Variants in RSPO2 observed in about 807,000 individuals in gnomAD.
RSPO2 encodes R-spondin-2.
In RSPO2, 14 loss-of-function variants were observed where a neutral mutation model predicts 30.9. The ratio of observed to expected loss-of-function variants is 0.45; its 90% CI spans 0.30 to 0.71. The LOEUF is 0.71. RSPO2 is among the 30% of genes least tolerant of loss of function. The probability of loss-of-function intolerance (pLI) is 0.08; values close to 1 mark genes in which losing one functional copy is unlikely to be tolerated. For missense variants in RSPO2, 264 were observed against 301.9 expected (o/e 0.87, Z 0.93); for synonymous variants, 107 against 96.4 (o/e 1.11, Z -0.64).
At chr8:107,991,290 A>ACACG (rs1414734627) in intron 2 of RSPO2, among the ~76,000 whole-genome samples, 3 of 149,244 alleles carry the variant, frequency 2.0e-5, no homozygotes, top group Non-Finnish European at 3.0e-5. Flanking sequence ...ACACACACAC[A>ACACG]CGCAATGGGG....
intron 2 of RSPO2, among the ~76,000 whole-genome samples, chr8:108,016,978 A>T (rs1354607868): frequency 2.6e-5 from 4 of 152,014 alleles, no homozygotes; most frequent in African/African-American, 4.8e-5. Context: ...TTTAAAAAAA[A>T]ATAAATTACC....
intron 3 of RSPO2, chr8:107,983,623 G>A: frequency 1.3e-6 from 2 of 1,595,774 alleles, no homozygotes. Flanking sequence ...AATTATAGAG[G>A]AGCAGGCAAC....
At chr8:107,912,004 T>C (rs1811842405) in intron 5 of RSPO2, among the ~76,000 whole-genome samples, 1 of 152,018 alleles carries the variant, frequency 6.6e-6, no homozygotes, top group African/African-American at 2.4e-5. Flanking sequence ...ATTCCTCAAA[T>C]CAGTTATTCC....
intron 2 of RSPO2, among the ~76,000 whole-genome samples, chr8:107,995,307 T>C (rs1322679983): frequency 6.6e-6 from 1 of 152,138 alleles, no homozygotes; most frequent in South Asian, 2.1e-4. Context: ...CCAATTCTGA[T>C]GAAAAATCAT....
intron 5 of RSPO2, among the ~76,000 whole-genome samples, chr8:107,904,751 T>C (rs1014771518): frequency 6.6e-5 from 10 of 152,220 alleles, no homozygotes; most frequent in Middle Eastern, 6.8e-3. Flanking sequence ...CAGTCATCAT[T>C]CACTAGAAAG....
At position 107,960,734 on chromosome 8, in the gene RSPO2, G is replaced by T. The variant is rs192607553; in HGVS notation, c.367C>A (p.Arg123Ser). 6.8e-6 allele frequency: 11 copies of T among 1,613,328 alleles called. No individual in the cohort carries two copies. In the African/African-American group the frequency reaches 1.3e-4, roughly 20 times the overall value. Reference sequence around the variant, plus strand: ...CCATCTGGACATTCATCAAAGCAACGGCCTCTATGCAAATAAAAGCCTACT... The same window carrying T: ...CCATCTGGACATTCATCAAAGCAACTGCCTCTATGCAAATAAAAGCCTACT... ...CKVGFYLHRGRCFDECPDGFA... is the reference protein window; with the variant it reads ...CKVGFYLHRGSCFDECPDGFA... Residue 123 changes from arginine to serine, a missense_variant, in exon 4 of 6, where the codon CGT (arginine) becomes AGT (serine). Coordinates refer to ENST00000276659, the MANE Select transcript of RSPO2 (RefSeq NM_178565.5).
chr8:107,971,769 G>A (rs1814008216), intron 3 of RSPO2, among the ~76,000 whole-genome samples: 3 of 152,010 alleles, frequency 2.0e-5, no homozygotes, highest in African/African-American at 7.3e-5. Flanking sequence ...TGCTTCAATG[G>A]CTCACCTTCA....
chr8:107,931,855 A>T (rs1003373736), intron 5 of RSPO2, among the ~76,000 whole-genome samples: 1 of 152,180 alleles, frequency 6.6e-6, no homozygotes, highest in Non-Finnish European at 1.5e-5. Flanking sequence ...TGGAGAGGGG[A>T]TTAAGAATGA....
intron 5 of RSPO2, among the ~76,000 whole-genome samples, chr8:107,945,125 C>A (rs1376472690): frequency 6.6e-6 from 1 of 151,814 alleles, no homozygotes; most frequent in Non-Finnish European, 1.5e-5. Context: ...ATGACTTTTT[C>A]TTCCCTGTGT....
At chr8:107,905,191 T>C (rs559860061) in intron 5 of RSPO2, among the ~76,000 whole-genome samples, 26 of 152,214 alleles carry the variant, frequency 1.7e-4, no homozygotes, top group African/African-American at 5.5e-4. Context: ...TGGGTATAGG[T>C]AAGAATCTTT....
chr8:107,956,676 A>G (rs1419636772), intron 5 of RSPO2, among the ~76,000 whole-genome samples: 1 of 152,146 alleles, frequency 6.6e-6, no homozygotes, highest in East Asian at 1.9e-4. Flanking sequence ...AATTTTTTCT[A>G]TTAATGTAAA....
At chr8:108,034,842 A>G (rs1811541426) in intron 2 of RSPO2, among the ~76,000 whole-genome samples, 3 of 152,246 alleles carry the variant, frequency 2.0e-5, no homozygotes, top group Admixed American at 6.5e-5. Context: ...CGCACAGAAC[A>G]CTTAATCTTG....
chr8:107,943,221 G>A (rs74361658), intron 5 of RSPO2, among the ~76,000 whole-genome samples: 66 of 152,252 alleles, frequency 4.3e-4, no homozygotes, highest in Non-Finnish European at 7.9e-4. Flanking sequence ...GTGCGTGCGC[G>A]CGCACACACA....
rs55718512 is a variant in RSPO2, at chr8:107,953,968, T to C, written c.616+4112A>G. ...TGTCTTCACATGAGATTATGTACCA[T>C]CACCCACTTCTTTATTGCAGCTATT... On this transcript the variant is annotated intron_variant, in intron 5 of 5. Coordinates refer to ENST00000276659, the MANE Select transcript of RSPO2 (RefSeq NM_178565.5). 6.9e-3 allele frequency among the ~76,000 whole-genome samples: 1,048 copies of C among 152,322 alleles called. 8 individuals are homozygous for C. Among genetic ancestry groups the C allele is most frequent in the African/African-American group, 0.024 (991 of 41,564 alleles).
At chr8:108,047,477 T>C (rs1240500499) in intron 2 of RSPO2, among the ~76,000 whole-genome samples, 1 of 152,174 alleles carries the variant, frequency 6.6e-6, no homozygotes, top group Admixed American at 6.5e-5. Context: ...ATTAAAGTTG[T>C]AGAAAGAGAT....
intron 2 of RSPO2, among the ~76,000 whole-genome samples, chr8:108,072,024 C>T (rs982968845): frequency 6.6e-6 from 1 of 152,058 alleles, no homozygotes; most frequent in South Asian, 2.1e-4. Flanking sequence ...ACCATAGTTA[C>T]CCCCAAAGAG....
chr8:107,995,556 A>G (rs1283707040), intron 2 of RSPO2, among the ~76,000 whole-genome samples: 1 of 152,126 alleles, frequency 6.6e-6, no homozygotes, highest in African/African-American at 2.4e-5. Flanking sequence ...GCCTCTACTT[A>G]TCACCATCCT....
chr8:107,977,570 C>G (rs1282381202), intron 3 of RSPO2, among the ~76,000 whole-genome samples: 2 of 151,978 alleles, frequency 1.3e-5, no homozygotes, highest in Non-Finnish European at 2.9e-5. Flanking sequence ...AGGGTCATGA[C>G]CAATAAAAAA....
chr8:107,913,964 G>A (rs978453479), intron 5 of RSPO2, among the ~76,000 whole-genome samples: 9 of 152,028 alleles, frequency 5.9e-5, no homozygotes, highest in Non-Finnish European at 7.4e-5. Context: ...TAACTCAGGC[G>A]TTAAAGCATG....
Sources: gnomAD v4.1 joint callset for allele counts (sites outside exome capture counted in the v4.1 genomes callset) on GRCh38, gnomAD v4.1.1 for gene constraint, MANE v1.5 for transcripts, NCBI Gene and HGNC (gene_info 2026-07-23, HGNC 2026-07-21) for gene names.